Variants in CPNE4 observed in about 807,000 individuals in gnomAD.
CPNE4 encodes copine 4.
CPNE4 carries 25 observed loss-of-function variants against 67.9 expected under a neutral mutation model. That is an observed-to-expected ratio of 0.37 (90% CI 0.27 to 0.51). CPNE4 has a LOEUF of 0.51. CPNE4 is among the 20% of genes least tolerant of loss of function. CPNE4 has a pLI of 0.93. For missense variants in CPNE4, 464 were observed against 690.8 expected (o/e 0.67, Z 3.68); for synonymous variants, 242 against 244.9 (o/e 0.99, Z 0.11).
At chr3:131,884,084 AT>A (rs976392446) in intron 2 of CPNE4, among the ~76,000 whole-genome samples, 1 of 152,184 alleles carries the variant, frequency 6.6e-6, no homozygotes, top group Non-Finnish European at 1.5e-5. Flanking sequence ...TGTGTTACAC[AT>A]TTATTGTGTA....
At chr3:131,799,561 T>A (rs139493643) in intron 2 of CPNE4, among the ~76,000 whole-genome samples, 1 of 152,326 alleles carries the variant, frequency 6.6e-6, no homozygotes, top group East Asian at 1.9e-4. Context: ...TGAATTTAAC[T>A]ATTAAATAAA....
chr3:131,571,335 T>A (rs1937325566), intron 10 of CPNE4, among the ~76,000 whole-genome samples: 1 of 151,956 alleles, frequency 6.6e-6, no homozygotes, highest in South Asian at 2.1e-4. Flanking sequence ...TTCTATATTT[T>A]TCTCTTGGGA....
Position 132,016,184 on chromosome 3 carries a change from G to T in CPNE4, c.-2+18383C>A, listed in dbSNP as rs918803802. On this transcript the variant is annotated intron_variant, in intron 1 of 15. Coordinates refer to ENST00000429747, the MANE Select transcript of CPNE4 (RefSeq NM_130808.3). The stretch of plus-strand genomic sequence containing the variant: ...CACGCCACGTATTACACCCTGGATT[G>T]AACTCAATCATACTAGACCACTTAA... 9.9e-5 allele frequency among the ~76,000 whole-genome samples: 15 copies of T among 152,104 alleles called. 1 individual carries two copies. Among genetic ancestry groups the T allele is most frequent in the Non-Finnish European group, 1.5e-5 (1 of 68,012 alleles).
chr3:131,871,117 G>A (rs577488815), intron 2 of CPNE4, among the ~76,000 whole-genome samples: 1 of 152,162 alleles, frequency 6.6e-6, no homozygotes, highest in African/African-American at 2.4e-5. Context: ...CATTGCAGAG[G>A]TATAAAGTAA....
At chr3:131,772,414 GT>G (rs1199770005) in intron 2 of CPNE4, among the ~76,000 whole-genome samples, 1 of 152,164 alleles carries the variant, frequency 6.6e-6, no homozygotes, top group Non-Finnish European at 1.5e-5. Flanking sequence ...CTGTCAGACA[GT>G]GTGTACAGAA....
In CPNE4 at chr3:131,533,857, TG is replaced by T. The variant is rs1489961108; in HGVS notation, c.*1337del. 1 of 152,198 alleles carries T rather than the reference TG, an allele frequency of 6.6e-6. No individual in the cohort carries two copies. Among genetic ancestry groups the T allele is most frequent in the Non-Finnish European group, 1.5e-5 (1 of 68,038 alleles). The allele number at this position is 152,198 out of a possible 1,614,324, so 9.4% of individuals were successfully genotyped here. A position where few individuals can be genotyped will look rare whatever the true frequency, so the allele number is the denominator to read the frequency against. On this transcript the variant is annotated 3_prime_UTR_variant, in exon 16 of 16. Coordinates refer to ENST00000429747, the MANE Select transcript of CPNE4 (RefSeq NM_130808.3). ...TGCCTTTTATGCTTGCAAAAACACT[TG>T]CCTGTTTCCCTGCAAGAAGATTATA...
chr3:131,722,058 G>A (rs2081901058), intron 3 of CPNE4, among the ~76,000 whole-genome samples: 1 of 152,166 alleles, frequency 6.6e-6, no homozygotes, highest in East Asian at 1.9e-4. Context: ...TATATTTTCT[G>A]GAAAAGGGGA....
At chr3:132,017,834 G>A (rs9810753) in intron 1 of CPNE4, 18,329 of 152,340 alleles carry the variant, frequency 0.12, 1,214 homozygotes, top group African/African-American at 0.16. Context: ...GGCTTCCTGG[G>A]CAGCCCATCA....
At chr3:131,621,259 T>C (rs748596272) in intron 7 of CPNE4, among the ~76,000 whole-genome samples, 3 of 152,164 alleles carry the variant, frequency 2.0e-5, no homozygotes, top group Admixed American at 1.3e-4. Context: ...TTTTTATTCT[T>C]TTTTAGACAG....
At chr3:132,001,749 C>T (rs1214351492) in intron 1 of CPNE4, among the ~76,000 whole-genome samples, 2 of 152,036 alleles carry the variant, frequency 1.3e-5, no homozygotes, top group Non-Finnish European at 2.9e-5. Context: ...CTCTTTCTAT[C>T]CACCCCACAA....
chr3:131,542,487 C>A, intron 15 of CPNE4, 70 bp downstream of exon 15: 1 of 1,021,826 alleles, frequency 9.8e-7, no homozygotes. Context: ...CATTGGTGGA[C>A]AAATGTGGGA....
intron 2 of CPNE4, among the ~76,000 whole-genome samples, chr3:131,731,099 T>G (rs2082116963): frequency 6.6e-6 from 1 of 152,192 alleles, no homozygotes; most frequent in African/African-American, 2.4e-5. Context: ...TCTCCCACTT[T>G]CAATCCATTG....
intron 15 of CPNE4, among the ~76,000 whole-genome samples, chr3:131,541,088 G>C (rs1040440012): frequency 1.3e-5 from 2 of 152,122 alleles, no homozygotes; most frequent in African/African-American, 2.4e-5. Context: ...TGGAAAGTAG[G>C]GGCTGGGCAT....
intron 2 of CPNE4, among the ~76,000 whole-genome samples, chr3:131,823,401 G>C (rs1379874765): frequency 1.3e-5 from 2 of 152,166 alleles, no homozygotes; most frequent in Non-Finnish European, 2.9e-5. Context: ...TGATAGAAAT[G>C]CCAGCAAGGC....
chr3:131,946,527 G>C (rs1169844924), intron 1 of CPNE4, among the ~76,000 whole-genome samples: 1 of 152,008 alleles, frequency 6.6e-6, no homozygotes, highest in Non-Finnish European at 1.5e-5. Context: ...GTGCTTGTTG[G>C]CCCTTTGTCT....
intron 7 of CPNE4, among the ~76,000 whole-genome samples, chr3:131,630,620 G>T (rs971547499): frequency 1.3e-5 from 2 of 152,104 alleles, no homozygotes; most frequent in African/African-American, 2.4e-5. Flanking sequence ...ATTAAAAATT[G>T]ACCTCTTTAG....
intron 1 of CPNE4, among the ~76,000 whole-genome samples, chr3:131,972,144 A>C (rs1583536898): frequency 1.3e-5 from 2 of 152,326 alleles, no homozygotes; most frequent in South Asian, 4.1e-4. Flanking sequence ...AAAAATCAAC[A>C]AAAAGAAATA....
At chr3:131,792,691 ATATACATATACACACACG>A (rs1190372422) in intron 2 of CPNE4, among the ~76,000 whole-genome samples, 1 of 71,544 alleles carries the variant, frequency 1.4e-5, no homozygotes, top group Non-Finnish European at 2.7e-5. Flanking sequence ...ACACGTGTAT[ATATACATATACACACACG>A]TGTATATATG....
chr3:131,602,478 C>T (rs12632185), intron 7 of CPNE4, among the ~76,000 whole-genome samples: 46,577 of 152,024 alleles, frequency 0.31, 11,414 homozygotes, highest in African/African-American at 0.69. Flanking sequence ...TTCACACATC[C>T]CTGCTCTTCT....
Sources: gnomAD v4.1 joint callset for allele counts (sites outside exome capture counted in the v4.1 genomes callset) on GRCh38, gnomAD v4.1.1 for gene constraint, MANE v1.5 for transcripts, NCBI Gene and HGNC (gene_info 2026-07-23, HGNC 2026-07-21) for gene names.